BMPR2: variants seen among roughly 807,000 people sequenced by gnomAD.
BMPR2 encodes bone morphogenetic protein receptor type-2.
BMPR2 carries 29 observed loss-of-function variants against 100.8 expected under a neutral mutation model. The ratio of observed to expected loss-of-function variants is 0.29; its 90% CI spans 0.21 to 0.39. The LOEUF is 0.39. Among genes scored for constraint, BMPR2 ranks in the 10% least tolerant of loss-of-function variants. The pLI is 1.00. For missense variants in BMPR2, 1,011 were observed against 1,274.5 expected, an observed-to-expected ratio of 0.79 and a Z score of 3.15; for synonymous variants, 382 against 442.3, an observed-to-expected ratio of 0.86 and a Z score of 1.71.
At chr2:202,421,039 C>G (rs1691252338) in intron 1 of BMPR2, among the ~76,000 whole-genome samples, 1 of 151,338 alleles carries the variant, frequency 6.6e-6, no homozygotes, top group Non-Finnish European at 1.5e-5. Flanking sequence ...CACTTGAGGT[C>G]AGGAGTTCAA....
chr2:202,408,072 A>T lies in BMPR2; in HGVS notation c.76+30522A>T, dbSNP rs1303828882. 2.0e-5 allele frequency among the ~76,000 whole-genome samples: 3 copies of T among 151,982 alleles called. No individual in the cohort carries two copies. In the East Asian group the frequency reaches 5.8e-4, roughly 30 times the overall value. On this transcript the variant is annotated intron_variant, in intron 1 of 12. Transcript: ENST00000374580. ...ATGGTCTCGATCTCTTGACCTCGTGATCTGCCCGCCTCTGCCTCCCAAAGT... is the reference window on the plus strand; with the variant it reads ...ATGGTCTCGATCTCTTGACCTCGTGTTCTGCCCGCCTCTGCCTCCCAAAGT...
intron 5 of BMPR2, among the ~76,000 whole-genome samples, 159 bp downstream of exon 5, chr2:202,515,138 G>C (rs983960251): frequency 6.6e-6 from 1 of 152,122 alleles, no homozygotes; most frequent in Non-Finnish European, 1.5e-5. Context: ...AGGAACATAG[G>C]TGAACAATGT....
chr2:202,557,246 G>A (rs564907873), intron 12 of BMPR2, among the ~76,000 whole-genome samples: 8 of 152,038 alleles, frequency 5.3e-5, no homozygotes, highest in Admixed American at 1.3e-4. Context: ...GGTGGATCAC[G>A]AGGTCAAGAG....
At chr2:202,490,200 G>A (rs888302155) in intron 3 of BMPR2, among the ~76,000 whole-genome samples, 4 of 152,126 alleles carry the variant, frequency 2.6e-5, no homozygotes, top group African/African-American at 9.7e-5. Context: ...AAAGTCAAGG[G>A]GCAAGGAGGT....
intron 10 of BMPR2, among the ~76,000 whole-genome samples, chr2:202,552,074 C>T (rs987591014): frequency 1.3e-5 from 2 of 152,074 alleles, no homozygotes; most frequent in African/African-American, 4.8e-5. Context: ...AGGCTGGTCT[C>T]GAACTCCTGA....
intron 12 of BMPR2, among the ~76,000 whole-genome samples, chr2:202,559,124 A>C (rs1389224134): frequency 1.3e-5 from 2 of 150,156 alleles, no homozygotes; most frequent in Admixed American, 6.7e-5. Context: ...AGATGGTGAA[A>C]CCCCCCGTCT....
At position 202,470,668 on chromosome 2, in the gene BMPR2, G is replaced by T. The variant is rs1692418404; in HGVS notation, c.418+2979G>T. Among the ~76,000 whole-genome samples, 4 of 151,500 alleles carry T rather than the reference G, an allele frequency of 2.6e-5. No homozygotes were observed. In the South Asian group the frequency reaches 8.3e-4, roughly 32 times the overall value. The stretch of plus-strand genomic sequence containing the variant: ...AGTCCCAGCTACTCGGGAGGCTGAG[G>T]CAGGAGAATGGCGTGAACCCGGGAA... On this transcript the variant is annotated intron_variant, in intron 3 of 12. Coordinates refer to ENST00000374580, the MANE Select transcript of BMPR2 (RefSeq NM_001204.7).
Position 202,530,773 on chromosome 2 carries a change from TATTTGAAATTATCCAAAC to T in BMPR2, c.968-19_968-2del, listed in dbSNP as rs751559192. The stretch of plus-strand genomic sequence containing the variant: ...ATAGTCCCTTTTATTCATTGATAAA[TATTTGAAATTATCCAAAC>T]AGATCATTATAAACCTGCAATTTCC... On this transcript the variant is annotated splice_region_variant and splice_polypyrimidine_tract_variant and intron_variant, in intron 7 of 12. Coordinates refer to ENST00000374580, the MANE Select transcript of BMPR2 (RefSeq NM_001204.7). The T allele has an allele frequency of 8.8e-6, 14 of 1,584,116 alleles. No individual in the cohort carries two copies. Among genetic ancestry groups the T allele is most frequent in the African/African-American group, 1.3e-5 (1 of 74,200 alleles).
rs1352899531 is a variant in BMPR2, at chr2:202,445,016, G to A, written c.77-19793G>A. 5.3e-5 allele frequency among the ~76,000 whole-genome samples: 8 copies of A among 150,146 alleles called. 1 individual carries two copies. Among genetic ancestry groups the A allele is most frequent in the African/African-American group, 1.5e-4 (6 of 39,586 alleles). Reference sequence around the variant, plus strand: ...TTGGTCAGGCTGGTCTCGAACTCCCGACATCAGGTGATCCACCTGCCTTGG... The same window carrying A: ...TTGGTCAGGCTGGTCTCGAACTCCCAACATCAGGTGATCCACCTGCCTTGG... On this transcript the variant is annotated intron_variant, in intron 1 of 12. Transcript: ENST00000374580.
rs1345583314 is a variant in BMPR2, at chr2:202,535,061, A to ACCCCCCGACCTCCCTCCCGGACG, written c.1276+2329_1276+2330insCCCCCCGACCTCCCTCCCGGACG. On this transcript the variant is annotated intron_variant, in intron 9 of 12. Coordinates refer to ENST00000374580, the MANE Select transcript of BMPR2 (RefSeq NM_001204.7). Reference sequence around the variant, plus strand: ...TGACCCCCCCACCTCCCTCCCGGACAGGTCGGCTGGCCTGGCTGGGGGCTG... The same window carrying ACCCCCCGACCTCCCTCCCGGACG: ...TGACCCCCCCACCTCCCTCCCGGACACCCCCCGACCTCCCTCCCGGACGGGTCGGCTGGCCTGGCTGGGGGCTG... 3.8e-5 allele frequency among the ~76,000 whole-genome samples: 2 copies of ACCCCCCGACCTCCCTCCCGGACG among 53,090 alleles called. 1 individual carries two copies. The highest frequency in any genetic ancestry group is 7.7e-5 in the Non-Finnish European group (2 of 25,896). 34.8% of individuals were successfully genotyped at this position (53,090 alleles called of 152,430 possible).
chr2:202,407,031 T>G (rs1159665718), intron 1 of BMPR2, among the ~76,000 whole-genome samples: 1 of 151,624 alleles, frequency 6.6e-6, no homozygotes, highest in Non-Finnish European at 1.5e-5. Context: ...CACTGCAACC[T>G]CTGCTTCCTA....
intron 1 of BMPR2, among the ~76,000 whole-genome samples, chr2:202,383,304 T>G (rs868786161): frequency 6.6e-6 from 1 of 152,142 alleles, no homozygotes; most frequent in Admixed American, 6.6e-5. Flanking sequence ...CCCAGCACTT[T>G]GGGAAGCCAA....
intron 3 of BMPR2, among the ~76,000 whole-genome samples, chr2:202,507,197 C>G (rs1337251016): frequency 6.6e-6 from 1 of 152,088 alleles, no homozygotes; most frequent in East Asian, 1.9e-4. Context: ...GGTCTCTTCA[C>G]TCTTGGAAGA....
intron 9 of BMPR2, among the ~76,000 whole-genome samples, chr2:202,540,265 G>A (rs1441192595): frequency 1.3e-5 from 2 of 152,086 alleles, no homozygotes; most frequent in African/African-American, 2.4e-5. Flanking sequence ...CACTTGGAAG[G>A]TATGTGTATG....
At chr2:202,526,515 A>G (rs571608116) in intron 7 of BMPR2, among the ~76,000 whole-genome samples, 4 of 152,364 alleles carry the variant, frequency 2.6e-5, no homozygotes, top group South Asian at 2.1e-4. Flanking sequence ...AGAATTGTCC[A>G]AAGTATTGCC....
At chr2:202,378,691 G>A (rs1690208894) in intron 1 of BMPR2, among the ~76,000 whole-genome samples, 1 of 152,120 alleles carries the variant, frequency 6.6e-6, no homozygotes, top group Non-Finnish European at 1.5e-5. Flanking sequence ...ATATGGTTCT[G>A]TTAAAATAAT....
At chr2:202,384,650 A>G (rs547240029) in intron 1 of BMPR2, among the ~76,000 whole-genome samples, 2 of 148,444 alleles carry the variant, frequency 1.3e-5, no homozygotes, top group Admixed American at 6.9e-5. Flanking sequence ...CTGGAGTTCA[A>G]TGGCAAGATC....
chr2:202,540,154 A>T (rs1156801491), intron 9 of BMPR2, among the ~76,000 whole-genome samples: 1 of 152,174 alleles, frequency 6.6e-6, no homozygotes, highest in East Asian at 1.9e-4. Context: ...TCCTTTAGCA[A>T]CTTTTAAAAT....
At chr2:202,433,047 T>C (rs1691538880) in intron 1 of BMPR2, among the ~76,000 whole-genome samples, 1 of 150,492 alleles carries the variant, frequency 6.6e-6, no homozygotes, top group South Asian at 2.1e-4. Context: ...GTCCTATATC[T>C]AAATTAACCT....
Sources: gnomAD v4.1 joint callset for allele counts (sites outside exome capture counted in the v4.1 genomes callset) on GRCh38, gnomAD v4.1.1 for gene constraint, MANE v1.5 for transcripts, NCBI Gene and HGNC (gene_info 2026-07-23, HGNC 2026-07-21) for gene names.